The following MGARP variants were observed in gnomAD, a reference collection of about 807,000 sequenced individuals.
MGARP encodes the protein protein MGARP.
A neutral mutation model predicts 11.0 loss-of-function variants in MGARP; 12 were observed. That is an observed-to-expected ratio of 1.09 (90% confidence interval 0.70 to 1.77). The LOEUF is 1.77. MGARP is among the 40% of genes most tolerant of loss of function. MGARP has a pLI of 0.00. For missense variants in MGARP, 283 were observed against 297.8 expected (o/e 0.95, Z 0.36); for synonymous variants, 110 against 115.4 (o/e 0.95, Z 0.30).
At chr4:139,273,707 C>G (rs972486255) in intron 2 of MGARP, among the ~76,000 whole-genome samples, 1 of 151,552 alleles carries the variant, frequency 6.6e-6, no homozygotes, top group African/African-American at 2.4e-5. Flanking sequence ...ACAGATGAGG[C>G]TTCACCATGT....
At chr4:139,274,840 G>T (rs140616936) in intron 2 of MGARP, among the ~76,000 whole-genome samples, 1 of 152,306 alleles carries the variant, frequency 6.6e-6, no homozygotes, top group East Asian at 1.9e-4. Context: ...GTTAATAATA[G>T]TGCCTACCTT....
chr4:139,275,790 G>A (rs1485038816), intron 1 of MGARP, among the ~76,000 whole-genome samples: 1 of 152,158 alleles, frequency 6.6e-6, no homozygotes, highest in Non-Finnish European at 1.5e-5. Context: ...AATTCAGTAT[G>A]TTTATACCTA....
intron 1 of MGARP, among the ~76,000 whole-genome samples, chr4:139,278,117 C>G (rs1579050489): frequency 2.0e-5 from 3 of 152,232 alleles, no homozygotes; most frequent in Admixed American, 2.0e-4. Flanking sequence ...ATCCCAGCTA[C>G]TCCGGAGGCT....
chr4:139,268,262 T>C (rs530815123), intron 3 of MGARP, among the ~76,000 whole-genome samples: 29 of 152,358 alleles, frequency 1.9e-4, no homozygotes, highest in African/African-American at 7.0e-4. Flanking sequence ...GATTCTATTA[T>C]GTCAAATGTA....
At chr4:139,276,624 A>T (rs574205062) in intron 1 of MGARP, among the ~76,000 whole-genome samples, 1 of 152,280 alleles carries the variant, frequency 6.6e-6, no homozygotes, top group South Asian at 2.1e-4. Flanking sequence ...AGGTGGGAGG[A>T]TCACTTGAGC....
intron 2 of MGARP, among the ~76,000 whole-genome samples, chr4:139,274,782 T>C (rs1328847689): frequency 1.3e-5 from 2 of 152,168 alleles, no homozygotes; most frequent in African/African-American, 4.8e-5. Context: ...TGCACCCAGC[T>C]CCTATATTAA....
At chr4:139,268,620 A>G in intron 3 of MGARP, 52 bp downstream of exon 3, 1 of 1,301,390 alleles carries the variant, frequency 7.7e-7, no homozygotes. Flanking sequence ...AGTGGATGGA[A>G]ATTAGTGCCT....
intron 2 of MGARP, among the ~76,000 whole-genome samples, chr4:139,269,183 C>A (rs1177913611): frequency 6.6e-6 from 1 of 151,960 alleles, no homozygotes; most frequent in African/African-American, 2.4e-5. Flanking sequence ...TAACTAAAAA[C>A]AAGGAAGAAA....
intron 1 of MGARP, 38 bp from the exon 2 acceptor site, chr4:139,275,430 G>C: frequency 6.6e-7 from 1 of 1,506,590 alleles, no homozygotes; most frequent in South Asian, 1.1e-5. Context: ...AGCTTCACTA[G>C]TTGAGCAAAA....
At chr4:139,276,086 C>T (rs1247401458) in intron 1 of MGARP, among the ~76,000 whole-genome samples, 2 of 151,970 alleles carry the variant, frequency 1.3e-5, no homozygotes, top group African/African-American at 2.4e-5. Context: ...TCCTATAATG[C>T]CCTGGAATTG....
chr4:139,274,373 GA>G (rs1282157885), intron 2 of MGARP, among the ~76,000 whole-genome samples: 1 of 152,096 alleles, frequency 6.6e-6, no homozygotes, highest in Non-Finnish European at 1.5e-5. Context: ...GGGAAAGGAG[GA>G]GGGGGTGTGA....
In MGARP at chr4:139,266,398, A is replaced by T. The variant is rs1744696893; in HGVS notation, c.*201T>A. ...CTGCAATGTCATATTCTGATCTCAG[A>T]CAGTAGAAGAGTAGTAAGAAATGTA... On this transcript the variant is annotated 3_prime_UTR_variant, in exon 4 of 4. Transcript: ENST00000398955. 1 of 570,278 alleles carries T rather than the reference A, an allele frequency of 1.8e-6. No homozygotes were observed. The highest frequency in any genetic ancestry group is 1.9e-5 in the African/African-American group (1 of 53,570). The allele number at this position is 570,278 out of a possible 1,614,324, so 35.3% of individuals were successfully genotyped here. A position where few individuals can be genotyped will look rare whatever the true frequency, so the allele number is the denominator to read the frequency against.
Position 139,280,090 on chromosome 4 carries a change from C to A in MGARP, c.69G>T (p.Pro23=), listed in dbSNP as rs899007122. 11 of 1,612,264 alleles carry A rather than the reference C, an allele frequency of 6.8e-6. 1 individual carries two copies. Among genetic ancestry groups the A allele is most frequent in the South Asian group, 6.6e-5 (6 of 91,056 alleles). The part of the protein sequence containing the change: ...LPLRAPPNPA[P]LGKDASLRRM... ...CTCCTTACTCACCGTCCTTTCCGAGCGGCGCGGGGTTGGGGGGCGCCCTCA... is the reference window on the plus strand; with the variant it reads ...CTCCTTACTCACCGTCCTTTCCGAGAGGCGCGGGGTTGGGGGGCGCCCTCA... The change falls in exon 1 of 4, where the codon CCG becomes CCT. Residue 23 remains proline (P), a synonymous_variant. Coordinates refer to ENST00000398955, the MANE Select transcript of MGARP (RefSeq NM_032623.4).
intron 2 of MGARP, among the ~76,000 whole-genome samples, chr4:139,274,703 G>A (rs1744841066): frequency 1.3e-5 from 2 of 152,018 alleles, no homozygotes; most frequent in African/African-American, 2.4e-5. Context: ...GGCAGGCCTC[G>A]AACTCCTGAC....
chr4:139,274,243 A>G (rs1217072692), intron 2 of MGARP, among the ~76,000 whole-genome samples: 1 of 152,170 alleles, frequency 6.6e-6, no homozygotes, highest in East Asian at 1.9e-4. Context: ...TTGTAAAAAC[A>G]GAACATACAA....
chr4:139,266,541 A>T lies in MGARP; in HGVS notation c.*58T>A. 6.8e-7 allele frequency: 1 copy of T among 1,468,554 alleles called. No individual in the cohort carries two copies. Among genetic ancestry groups the T allele is most frequent in the Non-Finnish European group, 9.2e-7 (1 of 1,092,096 alleles). 91.0% of individuals were successfully genotyped at this position (1,468,554 alleles called of 1,614,324 possible). ...TTTAAACTAAGTGTACTAAAAACAC[A>T]AAAGCACTTATCAGACACCCTATGG... On this transcript the variant is annotated 3_prime_UTR_variant, in exon 4 of 4. Coordinates refer to ENST00000398955, the MANE Select transcript of MGARP (RefSeq NM_032623.4).
At chr4:139,278,055 C>A (rs144714417) in intron 1 of MGARP, among the ~76,000 whole-genome samples, 1,586 of 152,066 alleles carry the variant, frequency 0.01, 32 homozygotes, top group African/African-American at 0.036. Flanking sequence ...TGGAGAAACC[C>A]CATCTCTACT....
chr4:139,269,899 T>C (rs1055290288), intron 2 of MGARP, among the ~76,000 whole-genome samples: 2 of 152,176 alleles, frequency 1.3e-5, no homozygotes, highest in Admixed American at 1.3e-4. Flanking sequence ...TTATATATAG[T>C]GTCTTCTAAA....
chr4:139,270,618 AAAAAAAAAAG>A (rs1744765812), intron 2 of MGARP, among the ~76,000 whole-genome samples: 1 of 151,702 alleles, frequency 6.6e-6, no homozygotes, highest in African/African-American at 2.4e-5. Flanking sequence ...GAAAAAAAAA[AAAAAAAAAAG>A]AAAAGAAAAT....
Sources: allele counts gnomAD v4.1 joint callset (sites outside exome capture counted in the v4.1 genomes callset), GRCh38; gene constraint gnomAD v4.1.1; transcripts MANE v1.5; gene names NCBI Gene and HGNC (gene_info 2026-07-23, HGNC 2026-07-21).